The following PCBP3 variants were observed in gnomAD, a reference collection of about 807,000 sequenced individuals.
PCBP3 encodes poly(rC)-binding protein 3.
A neutral mutation model predicts 52.7 loss-of-function variants in PCBP3; 25 were observed. That is an observed-to-expected ratio of 0.47 (90% CI 0.35 to 0.66). PCBP3 has a LOEUF of 0.66. Among genes scored for constraint, PCBP3 ranks in the 30% least tolerant of loss-of-function variants. The pLI is 0.01. For missense variants in PCBP3, 391 were observed against 490.3 expected, an observed-to-expected ratio of 0.80 and a Z score of 1.91; for synonymous variants, 162 against 183.0, an observed-to-expected ratio of 0.89 and a Z score of 0.93.
chr21:45,939,100 G>A (rs148560843), intron 16 of PCBP3, among the ~76,000 whole-genome samples: 3,889 of 152,344 alleles, frequency 0.026, 58 homozygotes, highest in Non-Finnish European at 0.039. Context: ...TCTGCCTCAG[G>A]GCCCTCGGGG....
intron 2 of PCBP3, among the ~76,000 whole-genome samples, chr21:45,730,360 T>G (rs1004150356): frequency 3.3e-5 from 5 of 152,126 alleles, no homozygotes; most frequent in Non-Finnish European, 5.9e-5. Context: ...TCCTGTTTTC[T>G]AATTTAATTG....
intron 12 of PCBP3, 91 bp downstream of exon 12, chr21:45,914,116 C>T (rs1253703628): frequency 8.8e-6 from 14 of 1,595,618 alleles, no homozygotes; most frequent in Non-Finnish European, 7.7e-6. Context: ...CAGGTTTTCT[C>T]GCCTTCTCAC....
chr21:45,930,916 G>T, intron 15 of PCBP3, 71 bp downstream of exon 15: 1 of 1,593,126 alleles, frequency 6.3e-7, no homozygotes, highest in South Asian at 1.1e-5. Flanking sequence ...GAGGAGGTGT[G>T]GGGGCCCTGC....
chr21:45,841,213 C>T (rs61496907), intron 4 of PCBP3, among the ~76,000 whole-genome samples: 45,729 of 152,160 alleles, frequency 0.3, 8,264 homozygotes, highest in East Asian at 0.67. Context: ...TGTCTCCCCA[C>T]GCTCTTGGAA....
intron 4 of PCBP3, among the ~76,000 whole-genome samples, chr21:45,818,725 G>A (rs1053727882): frequency 1.3e-5 from 2 of 152,210 alleles, no homozygotes; most frequent in African/African-American, 4.8e-5. Flanking sequence ...GTTTATAGCA[G>A]CTTTGTTTAT....
chr21:45,671,455 A>C (rs1036265851), intron 2 of PCBP3, among the ~76,000 whole-genome samples: 1 of 152,224 alleles, frequency 6.6e-6, no homozygotes, highest in Non-Finnish European at 1.5e-5. Context: ...GCAATTTTTA[A>C]AACTTCCATT....
chr21:45,733,513 G>A (rs1362261628), intron 2 of PCBP3, among the ~76,000 whole-genome samples: 3 of 151,938 alleles, frequency 2.0e-5, no homozygotes, highest in African/African-American at 7.3e-5. Context: ...GGATGGTCTC[G>A]ATCTCCTGAC....
At chr21:45,882,539 C>T (rs2095427812) in intron 5 of PCBP3, among the ~76,000 whole-genome samples, 1 of 151,822 alleles carries the variant, frequency 6.6e-6, no homozygotes, top group African/African-American at 2.4e-5. Context: ...AATCCCATTT[C>T]TCTACTTTCT....
At chr21:45,694,451 G>A (rs954362232) in intron 2 of PCBP3, among the ~76,000 whole-genome samples, 2 of 151,996 alleles carry the variant, frequency 1.3e-5, no homozygotes, top group Admixed American at 6.6e-5. Flanking sequence ...TGACATTAAG[G>A]CAAAATATAT....
At chr21:45,901,292 G>C (rs1043999731) in intron 9 of PCBP3, 179 bp downstream of exon 9, 1 of 586,692 alleles carries the variant, frequency 1.7e-6, no homozygotes, top group African/African-American at 1.9e-5. Context: ...GGTTCACCCA[G>C]TCAGGGGCCA....
At chr21:45,905,475 C>G (rs1225967636) in intron 9 of PCBP3, among the ~76,000 whole-genome samples, 1 of 152,202 alleles carries the variant, frequency 6.6e-6, no homozygotes, top group Non-Finnish European at 1.5e-5. Context: ...AGGACTGTGC[C>G]GAAGGAGAGA....
chr21:45,917,416 G>T lies in PCBP3; in HGVS notation c.676-172G>T. ...AGGAAGTGGGTGCGGCTCCCCTGGG[G>T]CTCCTGGTGCCCTGGGAGGGTTGGC... On this transcript the variant is annotated intron_variant, in intron 12 of 17. Transcript: ENST00000681687. This position sits in a 1 kb window ranked among gnomAD's most constrained non-coding sequence, Gnocchi z 5.3. 1.7e-6 allele frequency: 1 copy of T among 599,624 alleles called. No individual in the cohort carries two copies. The highest frequency in any genetic ancestry group is 3.0e-6 in the Non-Finnish European group (1 of 337,016). 37.1% of individuals were successfully genotyped at this position (599,624 alleles called of 1,614,324 possible).
chr21:45,710,357 CAT>C (rs1047723015), intron 2 of PCBP3, among the ~76,000 whole-genome samples: 104 of 152,248 alleles, frequency 6.8e-4, no homozygotes, highest in African/African-American at 2.4e-3. Context: ...TTCCTGTGTC[CAT>C]GTGTTCTCAT....
chr21:45,764,375 G>A (rs543531941), intron 4 of PCBP3, among the ~76,000 whole-genome samples: 8 of 152,314 alleles, frequency 5.3e-5, no homozygotes, highest in East Asian at 1.9e-4. Context: ...ACCCGCCTCC[G>A]CCTCCCAAAG....
chr21:45,666,292 A>T (rs545972289), intron 1 of PCBP3, among the ~76,000 whole-genome samples: 12 of 152,346 alleles, frequency 7.9e-5, no homozygotes, highest in African/African-American at 2.6e-4. Flanking sequence ...AGAAAGAAAT[A>T]AAAGGCATCC....
chr21:45,909,762 A>ACCCGGCCCACCCACTGCCCAGATACGGAC, intron 10 of PCBP3, among the ~76,000 whole-genome samples: 1 of 45,238 alleles, frequency 2.2e-5, no homozygotes, highest in African/African-American at 9.8e-5. Context: ...CCAGATACGG[A>ACCCGGCCCACCCACTGCCCAGATACGGAC]CCCCCCCCAC....
chr21:45,900,084 G>A (rs750480191), intron 7 of PCBP3, among the ~76,000 whole-genome samples: 3 of 152,202 alleles, frequency 2.0e-5, no homozygotes, highest in African/African-American at 7.2e-5. Flanking sequence ...CGAGCAGTGA[G>A]GGCCACCTCC....
At chr21:45,878,273 C>A (rs1434406860) in intron 5 of PCBP3, among the ~76,000 whole-genome samples, 1 of 152,252 alleles carries the variant, frequency 6.6e-6, no homozygotes, top group Non-Finnish European at 1.5e-5. Flanking sequence ...CATTTCCCAT[C>A]CCTGCCCTCC....
chr21:45,860,284 G>C (rs1293552817), intron 5 of PCBP3, among the ~76,000 whole-genome samples: 1 of 152,222 alleles, frequency 6.6e-6, no homozygotes. Context: ...GAATGAAGCA[G>C]CTGTATTCAC....
Sources: gnomAD v4.1 joint callset for allele counts (sites outside exome capture counted in the v4.1 genomes callset) on GRCh38, gnomAD v4.1.1 for gene constraint, Gnocchi (gnomAD v3.1) non-coding constraint, MANE v1.5 for transcripts, NCBI Gene and HGNC (gene_info 2026-07-23, HGNC 2026-07-21) for gene names.